TCP11L2: variants seen among roughly 807,000 people sequenced by gnomAD.
TCP11L2 encodes the protein T-complex protein 11-like protein 2.
Under a neutral mutation model 50.7 loss-of-function variants are expected in TCP11L2, and 39 were observed. The observed-to-expected ratio is 0.77, with a 90% CI of 0.60 to 1.01. The LOEUF is 1.01. Ranked by LOEUF, TCP11L2 falls within the 50% of genes least tolerant of loss-of-function variation. The probability of loss-of-function intolerance (pLI) is 0.00; values close to 1 mark genes in which losing one functional copy is unlikely to be tolerated. For synonymous variants in TCP11L2, 192 were observed against 219.3 expected (o/e 0.88, Z 1.10); for missense variants, 612 against 614.7 (o/e 1.00, Z 0.05).
intron 1 of TCP11L2, among the ~76,000 whole-genome samples, chr12:106,309,564 C>A (rs1372523403): frequency 6.6e-6 from 1 of 151,982 alleles, no homozygotes; most frequent in Non-Finnish European, 1.5e-5. Context: ...ATCCTTGTCC[C>A]CATCACCATC....
At chr12:106,314,296 G>C in intron 2 of TCP11L2, 62 bp from the exon 3 acceptor site, 1 of 1,561,784 alleles carries the variant, frequency 6.4e-7, no homozygotes, top group Non-Finnish European at 8.7e-7. Context: ...TCTGCATCAG[G>C]AGGCTTCGTT....
intron 3 of TCP11L2, among the ~76,000 whole-genome samples, chr12:106,315,131 G>A (rs1321640062): frequency 6.6e-6 from 1 of 152,132 alleles, no homozygotes; most frequent in Non-Finnish European, 1.5e-5. Flanking sequence ...AGCTACTTGG[G>A]AGGCTGAGGC....
chr12:106,342,027 G>A (rs2036106318), intron 9 of TCP11L2, among the ~76,000 whole-genome samples: 1 of 152,138 alleles, frequency 6.6e-6, no homozygotes, highest in African/African-American at 2.4e-5. Context: ...TCAGAGTATT[G>A]TGGCCATAAG....
chr12:106,342,273 C>T (rs888018160), intron 9 of TCP11L2, among the ~76,000 whole-genome samples: 4 of 152,162 alleles, frequency 2.6e-5, no homozygotes, highest in African/African-American at 9.7e-5. Flanking sequence ...TGCTGGGGAT[C>T]CAAGCTTCAA....
chr12:106,333,475 G>A (rs947556826), intron 6 of TCP11L2, among the ~76,000 whole-genome samples: 3 of 152,092 alleles, frequency 2.0e-5, no homozygotes, highest in African/African-American at 7.2e-5. Context: ...GTTGAGTGAG[G>A]TGCACATTGA....
rs1186585936 is a variant in TCP11L2, at chr12:106,318,973, G to A, written c.414+509G>A. ...AGGCCGGACTGCGGACTGCAGTGGC[G>A]CAATCTCGGCTCACTGCAAGCTCCG... is the stretch of plus-strand genomic sequence containing the variant. On this transcript the variant is annotated intron_variant, in intron 4 of 9. Coordinates refer to ENST00000299045, the MANE Select transcript of TCP11L2 (RefSeq NM_152772.3). 4.0e-5 allele frequency among the ~76,000 whole-genome samples: 6 copies of A among 151,254 alleles called. No homozygotes were observed. The South Asian group carries it at 6.2e-4, about 16-fold the overall frequency.
At chr12:106,339,590 G>A (rs1044008138) in intron 8 of TCP11L2, among the ~76,000 whole-genome samples, 3 of 152,092 alleles carry the variant, frequency 2.0e-5, no homozygotes, top group African/African-American at 7.2e-5. Context: ...TCTTCCTTTA[G>A]GGTTTTTAAA....
At chr12:106,304,556 A>C (rs904614) in intron 1 of TCP11L2, among the ~76,000 whole-genome samples, 60,195 of 152,166 alleles carry the variant, frequency 0.4, 12,535 homozygotes, top group African/African-American at 0.54. Context: ...CATCATCTGC[A>C]ATTTTTTTCT....
intron 6 of TCP11L2, among the ~76,000 whole-genome samples, chr12:106,330,807 C>T (rs1233391290): frequency 1.3e-5 from 2 of 152,056 alleles, no homozygotes; most frequent in East Asian, 3.9e-4. Context: ...AGAAGCGAGC[C>T]CTTGCAGAGG....
upstream of TCP11L2, among the ~76,000 whole-genome samples, chr12:106,302,334 C>G (rs572487257): frequency 6.7e-3 from 777 of 116,198 alleles, 7 homozygotes; most frequent in Non-Finnish European, 9.8e-3. Context: ...CCGCTCAGCC[C>G]CCGCTCAGCC....
chr12:106,333,848 C>T (rs1230648955), intron 6 of TCP11L2, among the ~76,000 whole-genome samples: 1 of 152,106 alleles, frequency 6.6e-6, no homozygotes, highest in Non-Finnish European at 1.5e-5. Context: ...CTGTACTGGG[C>T]ATCTCTGCTC....
chr12:106,307,648 G>A (rs2034685273), intron 1 of TCP11L2, among the ~76,000 whole-genome samples: 1 of 152,156 alleles, frequency 6.6e-6, no homozygotes. Flanking sequence ...ACTTGCGGAA[G>A]ACCATTCACA....
At chr12:106,346,159 G>C in intron 9 of TCP11L2, 127 bp from the exon 10 acceptor site, 1 of 940,058 alleles carries the variant, frequency 1.1e-6, no homozygotes, top group East Asian at 2.6e-5. Flanking sequence ...GAAAGGGGAT[G>C]GGTGCAGGGA....
chr12:106,323,700 T>C, intron 6 of TCP11L2, 54 bp downstream of exon 6: 1 of 937,360 alleles, frequency 1.1e-6, no homozygotes, highest in Non-Finnish European at 1.5e-6. Flanking sequence ...ATGATGATTT[T>C]AAATGTTAAA....
chr12:106,309,470 G>A (rs1293306075), intron 1 of TCP11L2, among the ~76,000 whole-genome samples: 3 of 151,900 alleles, frequency 2.0e-5, no homozygotes, highest in African/African-American at 7.3e-5. Flanking sequence ...ACATTTCTGT[G>A]GCAGGATTGA....
intron 2 of TCP11L2, among the ~76,000 whole-genome samples, chr12:106,311,748 AAGAG>A (rs1197187613): frequency 7.9e-5 from 12 of 152,196 alleles, no homozygotes; most frequent in African/African-American, 2.2e-4. Flanking sequence ...AAAGAGTTAA[AAGAG>A]AGGCCACAGC....
intron 6 of TCP11L2, chr12:106,324,050 A>C (rs1281803988): frequency 6.6e-6 from 1 of 152,234 alleles, no homozygotes; most frequent in Non-Finnish European, 1.5e-5. Flanking sequence ...AACAGAATGG[A>C]ATACAGTTGC....
chr12:106,319,534 A>G lies in TCP11L2; in HGVS notation c.414+1070A>G, dbSNP rs11112937. ...ACAGCTTAGGGTGATGCTAAAGCGC[A>G]GAGACTCTGGTTTAGTGACGGGTTC... On this transcript the variant is annotated intron_variant, in intron 4 of 9. Coordinates refer to ENST00000299045, the MANE Select transcript of TCP11L2 (RefSeq NM_152772.3). 3.8e-3 allele frequency among the ~76,000 whole-genome samples: 586 copies of G among 152,338 alleles called. 4 individuals carry two copies. Among genetic ancestry groups the G allele is most frequent in the Non-Finnish European group, 5.9e-3 (398 of 68,016 alleles).
intron 3 of TCP11L2, 140 bp from the exon 4 acceptor site, chr12:106,318,204 A>C: frequency 1.0e-6 from 1 of 986,142 alleles, no homozygotes; most frequent in Non-Finnish European, 1.4e-6. Flanking sequence ...AACAAGAAAA[A>C]TATTAAAAGA....
Sources: allele counts gnomAD v4.1 joint callset (sites outside exome capture counted in the v4.1 genomes callset), GRCh38; gene constraint gnomAD v4.1.1; transcripts MANE v1.5; gene names NCBI Gene and HGNC (gene_info 2026-07-23, HGNC 2026-07-21).